The following VPS13B variants were observed in gnomAD, a reference collection of about 807,000 sequenced individuals.
VPS13B encodes intermembrane lipid transfer protein VPS13B.
Under a neutral mutation model 426.4 loss-of-function variants are expected in VPS13B, and 285 were observed. The ratio of observed to expected loss-of-function variants is 0.67; its 90% CI spans 0.61 to 0.74. The LOEUF (loss-of-function observed/expected upper bound fraction) is 0.74, where lower values mean the gene tolerates loss of function less well. Among genes scored for constraint, VPS13B ranks in the 30% least tolerant of loss-of-function variants. VPS13B has a pLI of 0.00. For missense variants in VPS13B, 4,537 were observed against 4,782.6 expected, an observed-to-expected ratio of 0.95 and a Z score of 1.51; for synonymous variants, 1,676 against 1,676.4, an observed-to-expected ratio of 1.00 and a Z score of 0.01.
chr8:99,093,442 A>G (rs1156726728), intron 3 of VPS13B, among the ~76,000 whole-genome samples: 3 of 151,770 alleles, frequency 2.0e-5, no homozygotes, highest in African/African-American at 7.3e-5. Context: ...GTTTAGTTAC[A>G]TATGTATACA....
At chr8:99,067,683 G>A (rs1023093818) in intron 3 of VPS13B, among the ~76,000 whole-genome samples, 1 of 152,136 alleles carries the variant, frequency 6.6e-6, no homozygotes, top group African/African-American at 2.4e-5. Flanking sequence ...GGACACAACA[G>A]CAACAAGAAT....
intron 34 of VPS13B, among the ~76,000 whole-genome samples, chr8:99,658,735 A>T (rs1830109911): frequency 6.6e-6 from 1 of 152,206 alleles, no homozygotes; most frequent in South Asian, 2.1e-4. Context: ...GAAAGGAATT[A>T]ATGAGAGTGG....
rs1029617364 is a variant in VPS13B, at chr8:99,875,911, G to GGCC, written c.*246_*248dup. 63 of 535,796 alleles carry GGCC rather than the reference G, an allele frequency of 1.2e-4. No homozygotes were observed. Among genetic ancestry groups the GGCC allele is most frequent in the Admixed American group, 9.4e-4 (29 of 31,008 alleles). The allele number at this position is 535,796 out of a possible 1,614,324, so 33.2% of individuals were successfully genotyped here. A position where few individuals can be genotyped will look rare whatever the true frequency, so the allele number is the denominator to read the frequency against. ...CTAACATCATCTGATATGGACACAA[G>GGCC]GCCAACAGTTTCCTTATTTACATCC... On this transcript the variant is annotated 3_prime_UTR_variant, in exon 62 of 62. Transcript: ENST00000357162.
Position 99,819,433 on chromosome 8 carries a change from T to C in VPS13B, c.8643T>C (p.Asp2881=), listed in dbSNP as rs1814237004. 1.2e-6 allele frequency: 2 copies of C among 1,613,874 alleles called. No homozygotes were observed. The highest frequency in any genetic ancestry group is 1.7e-6 in the Non-Finnish European group (2 of 1,179,820). ...CTAGAGAAGAATATGATCCTTCAGA[T>C]TGTGCAGTTCCCATCTCAACATCCC... ...FQAREEYDPS[D]CAVPISTSLI... is the part of the protein sequence containing the mutation. The change falls in exon 48 of 62, where the codon GAT becomes GAC. Residue 2881 remains aspartate, a synonymous_variant. Coordinates refer to ENST00000357162, the MANE Select transcript of VPS13B (RefSeq NM_152564.5).
intron 22 of VPS13B, among the ~76,000 whole-genome samples, chr8:99,442,093 T>C (rs1366896511): frequency 1.3e-5 from 2 of 152,156 alleles, no homozygotes; most frequent in African/African-American, 2.4e-5. Flanking sequence ...AATTTTCTAA[T>C]AAACTGCAAA....
At chr8:99,492,251 G>A (rs1412377488) in intron 25 of VPS13B, among the ~76,000 whole-genome samples, 2 of 152,162 alleles carry the variant, frequency 1.3e-5, no homozygotes, top group Non-Finnish European at 2.9e-5. Context: ...CATCCCAGAG[G>A]GGCATCCGCC....
chr8:99,346,022 G>A (rs1194606368), intron 19 of VPS13B: 2 of 154,086 alleles, frequency 1.3e-5, no homozygotes, highest in African/African-American at 4.8e-5. Context: ...GGGCAGGCAG[G>A]TGGGCAGGCA....
intron 24 of VPS13B, among the ~76,000 whole-genome samples, chr8:99,474,905 G>C (rs1297850472): frequency 2.0e-5 from 3 of 152,086 alleles, no homozygotes; most frequent in Non-Finnish European, 4.4e-5. Context: ...GTATATAGCA[G>C]CTTTATTTGT....
intron 51 of VPS13B, among the ~76,000 whole-genome samples, chr8:99,829,236 A>G (rs554507115): frequency 7.9e-5 from 12 of 152,174 alleles, no homozygotes; most frequent in Non-Finnish European, 1.5e-4. Flanking sequence ...AGGTACACCA[A>G]TCAAATGTAG....
intron 30 of VPS13B, among the ~76,000 whole-genome samples, chr8:99,549,441 GT>G (rs1216362839): frequency 6.6e-6 from 1 of 151,864 alleles, no homozygotes; most frequent in East Asian, 1.9e-4. Flanking sequence ...TCAAAGTAGG[GT>G]TTTTTTTCCT....
intron 30 of VPS13B, among the ~76,000 whole-genome samples, chr8:99,537,519 A>C (rs1390900869): frequency 6.6e-6 from 1 of 152,228 alleles, no homozygotes; most frequent in East Asian, 1.9e-4. Context: ...ATGCAGTTAC[A>C]GTACCTTATC....
At chr8:99,696,408 G>A in intron 35 of VPS13B, 2 of 338,812 alleles carry the variant, frequency 5.9e-6, no homozygotes, top group Non-Finnish European at 1.2e-5. Context: ...TGCTCATGCT[G>A]TGGCACATCC....
intron 54 of VPS13B, among the ~76,000 whole-genome samples, chr8:99,841,968 G>C (rs1047936826): frequency 6.6e-6 from 1 of 152,058 alleles, no homozygotes; most frequent in Non-Finnish European, 1.5e-5. Flanking sequence ...GCTTAAAACA[G>C]ACCTCCACCT....
intron 39 of VPS13B, among the ~76,000 whole-genome samples, chr8:99,728,924 T>G (rs1833472869): frequency 6.6e-6 from 1 of 152,168 alleles, no homozygotes; most frequent in Non-Finnish European, 1.5e-5. Flanking sequence ...GCTTTTTCTC[T>G]TTTTCTTTCC....
At chr8:99,019,571 C>T (rs570591941) in intron 2 of VPS13B, among the ~76,000 whole-genome samples, 47 of 152,266 alleles carry the variant, frequency 3.1e-4, no homozygotes, top group African/African-American at 1.1e-3. Flanking sequence ...ACCATCACTA[C>T]TACTCATCTC....
chr8:99,611,857 A>G (rs1827856181), intron 33 of VPS13B, among the ~76,000 whole-genome samples: 1 of 152,102 alleles, frequency 6.6e-6, no homozygotes, highest in African/African-American at 2.4e-5. Flanking sequence ...CAGATAAAGG[A>G]TAAGATGTGA....
chr8:99,468,131 C>T (rs967246557), intron 24 of VPS13B, among the ~76,000 whole-genome samples: 2 of 152,104 alleles, frequency 1.3e-5, no homozygotes, highest in East Asian at 1.9e-4. Flanking sequence ...GGTATATCTC[C>T]TAATGCTATC....
At chr8:99,602,372 C>T (rs1434194584) in intron 33 of VPS13B, among the ~76,000 whole-genome samples, 1 of 152,086 alleles carries the variant, frequency 6.6e-6, no homozygotes, top group Non-Finnish European at 1.5e-5. Flanking sequence ...AATTTTGGTA[C>T]CAGTACCATG....
At chr8:99,834,354 A>G (rs1246946859) in intron 52 of VPS13B, among the ~76,000 whole-genome samples, 1 of 152,186 alleles carries the variant, frequency 6.6e-6, no homozygotes. Flanking sequence ...TTACTCACAC[A>G]GCTGGTTTTC....
Sources: gnomAD v4.1 joint callset for allele counts (sites outside exome capture counted in the v4.1 genomes callset) on GRCh38, gnomAD v4.1.1 for gene constraint, MANE v1.5 for transcripts, NCBI Gene and HGNC (gene_info 2026-07-23, HGNC 2026-07-21) for gene names.